The following TRPC3 variants were observed in gnomAD, a reference collection of about 807,000 sequenced individuals.
TRPC3 encodes short transient receptor potential channel 3.
Under a neutral mutation model 90.9 loss-of-function variants are expected in TRPC3, and 54 were observed. The ratio of observed to expected loss-of-function variants is 0.59; its 90% CI spans 0.48 to 0.75. TRPC3 has a LOEUF of 0.75. Among genes scored for constraint, TRPC3 ranks in the 30% least tolerant of loss-of-function variants. TRPC3 has a pLI of 0.00. For synonymous variants in TRPC3, 424 were observed against 450.9 expected, an observed-to-expected ratio of 0.94 and a Z score of 0.75; for missense variants, 918 against 1,194.5, an observed-to-expected ratio of 0.77 and a Z score of 3.41.
intron 3 of TRPC3, among the ~76,000 whole-genome samples, chr4:121,921,521 C>CAAA (rs536564094): frequency 1.9e-3 from 110 of 56,502 alleles, no homozygotes; most frequent in Middle Eastern, 9.6e-3. Context: ...GACTCCGTCT[C>CAAA]AAAAAAAAAA....
In TRPC3 at chr4:121,882,634, CT is replaced by C. The variant is rs573979274; in HGVS notation, c.2548-206del. On this transcript the variant is annotated intron_variant, in intron 10 of 11. Transcript: ENST00000379645. The stretch of plus-strand genomic sequence containing the variant: ...AGACTTACTGCATAATCCACCAATA[CT>C]TTTTTTTTGCCTCAGAAACGGAAGA... 1.5e-3 allele frequency among the ~76,000 whole-genome samples: 226 copies of C among 151,428 alleles called. 2 individuals are homozygous for C. Among genetic ancestry groups the C allele is most frequent in the South Asian group, 6.9e-3 (33 of 4,808 alleles).
intron 3 of TRPC3, among the ~76,000 whole-genome samples, chr4:121,920,030 C>A (rs1269981858): frequency 1.3e-5 from 2 of 151,888 alleles, no homozygotes; most frequent in African/African-American, 2.4e-5. Flanking sequence ...TGGTGGGGGG[C>A]AAATAGTCCA....
At chr4:121,909,237 T>C (rs550950609) in intron 6 of TRPC3, among the ~76,000 whole-genome samples, 78 of 152,184 alleles carry the variant, frequency 5.1e-4, no homozygotes, top group African/African-American at 1.9e-3. Flanking sequence ...TAATTACATC[T>C]TATATTTTGG....
At chr4:121,924,813 T>C (rs1303730232) in intron 3 of TRPC3, among the ~76,000 whole-genome samples, 1 of 152,200 alleles carries the variant, frequency 6.6e-6, no homozygotes, top group Non-Finnish European at 1.5e-5. Context: ...GCGCTGGGAT[T>C]ACAGGCCCCA....
At chr4:121,925,367 C>G (rs912973794) in intron 2 of TRPC3, among the ~76,000 whole-genome samples, 161 bp from the exon 3 acceptor site, 1 of 152,112 alleles carries the variant, frequency 6.6e-6, no homozygotes, top group Non-Finnish European at 1.5e-5. Flanking sequence ...TGGATTTGCA[C>G]CCACCCAACC....
At chr4:121,901,963 C>A (rs971752975) in intron 9 of TRPC3, among the ~76,000 whole-genome samples, 14 of 152,254 alleles carry the variant, frequency 9.2e-5, no homozygotes, top group Non-Finnish European at 1.9e-4. Context: ...TTAAAGAATA[C>A]AATTCTTGAA....
At chr4:121,917,334 ACTT>A (rs1729354423) in intron 3 of TRPC3, among the ~76,000 whole-genome samples, 1 of 152,134 alleles carries the variant, frequency 6.6e-6, no homozygotes, top group Non-Finnish European at 1.5e-5. Flanking sequence ...CTTGTTGAGA[ACTT>A]CTCCAAACTT....
In TRPC3 at chr4:121,915,701, T is replaced by G. The variant is rs149462853; in HGVS notation, c.1177-757A>C. Among the ~76,000 whole-genome samples the G allele has an allele frequency of 2.2e-3, 340 of 152,334 alleles. 2 individuals are homozygous for G. Among genetic ancestry groups the G allele is most frequent in the African/African-American group, 7.8e-3 (326 of 41,574 alleles). ...TATTTCAGCCCAGCCATTTGATTTT[T>G]TTTTTCCCGTTTGATTTTGTTAAGT... On this transcript the variant is annotated intron_variant, in intron 3 of 11. Coordinates refer to ENST00000379645, the MANE Select transcript of TRPC3 (RefSeq NM_001130698.2).
At chr4:121,908,402 G>A (rs1279599414) in intron 6 of TRPC3, among the ~76,000 whole-genome samples, 1 of 152,058 alleles carries the variant, frequency 6.6e-6, no homozygotes, top group Non-Finnish European at 1.5e-5. Context: ...AAAACATATT[G>A]TTTTACCAAA....
chr4:121,926,999 T>G (rs1729741975), intron 2 of TRPC3, among the ~76,000 whole-genome samples: 1 of 152,196 alleles, frequency 6.6e-6, no homozygotes, highest in South Asian at 2.1e-4. Flanking sequence ...TTATAGCGAA[T>G]GTAGAGAGGT....
chr4:121,938,733 G>A (rs529296968), intron 1 of TRPC3, among the ~76,000 whole-genome samples: 3 of 152,252 alleles, frequency 2.0e-5, no homozygotes, highest in South Asian at 4.1e-4. Context: ...GAATCTGTCT[G>A]ACTCTTATTT....
chr4:121,874,542 G>C lies in TRPC3; in HGVS notation c.*5194C>G, dbSNP rs766774964. Among the ~76,000 whole-genome samples, 1 of 152,138 alleles carries C rather than the reference G, an allele frequency of 6.6e-6. No homozygotes were observed. Among genetic ancestry groups the C allele is most frequent in the Non-Finnish European group, 1.5e-5 (1 of 68,028 alleles). Reference sequence around the variant, plus strand: ...TTGGAGTCTAGAAGTCATAGATCAAGGTGTCAGCAGGGAATAAAACCGATC... The same window carrying C: ...TTGGAGTCTAGAAGTCATAGATCAACGTGTCAGCAGGGAATAAAACCGATC... On this transcript the variant is annotated 3_prime_UTR_variant, in exon 12 of 12. Transcript: ENST00000379645.
At chr4:121,920,378 C>A (rs1361466725) in intron 3 of TRPC3, among the ~76,000 whole-genome samples, 1 of 151,868 alleles carries the variant, frequency 6.6e-6, no homozygotes, top group Admixed American at 6.6e-5. Context: ...AAAAAATTAG[C>A]CAGGCATGGA....
chr4:121,903,674 C>T lies in TRPC3; in HGVS notation c.2254-613G>A, dbSNP rs181897973. Among the ~76,000 whole-genome samples the T allele has an allele frequency of 5.8e-4, 88 of 152,200 alleles. 1 individual carries two copies. The highest frequency in any genetic ancestry group is 3.1e-3 in the Admixed American group (47 of 15,276). ...GATAGGAGAAATGAAGGGAAGGGGT[C>T]CTTATGAGGAGGAAGCTGGCTCTCT... is the stretch of plus-strand genomic sequence containing the variant. On this transcript the variant is annotated intron_variant, in intron 8 of 11. Coordinates refer to ENST00000379645, the MANE Select transcript of TRPC3 (RefSeq NM_001130698.2).
intron 2 of TRPC3, among the ~76,000 whole-genome samples, chr4:121,930,364 CTG>C (rs1729862133): frequency 6.6e-6 from 1 of 152,152 alleles, no homozygotes. Context: ...TAGAATTCAA[CTG>C]TGTTTTCTCT....
intron 1 of TRPC3, among the ~76,000 whole-genome samples, chr4:121,939,054 G>A (rs1461941026): frequency 5.9e-5 from 9 of 152,176 alleles, no homozygotes; most frequent in East Asian, 1.9e-4. Flanking sequence ...GGGTACTCCC[G>A]TACTATTAAG....
chr4:121,915,085 G>A (rs192510842), intron 3 of TRPC3, 141 bp from the exon 4 acceptor site: 2 of 660,624 alleles, frequency 3.0e-6, no homozygotes, highest in African/African-American at 3.6e-5. Flanking sequence ...GGAAGGTTCT[G>A]GTAATATTCT....
In TRPC3 at chr4:121,951,668, C is replaced by T; in HGVS notation, c.13G>A (p.Val5Ile). 7.5e-7 allele frequency: 1 copy of T among 1,335,292 alleles called. No homozygotes were observed. Among genetic ancestry groups the T allele is most frequent in the Non-Finnish European group, 9.7e-7 (1 of 1,033,776 alleles). 82.7% of individuals were successfully genotyped at this position (1,335,292 alleles called of 1,614,324 possible). ...CTTGCTTGTTCTTTGCACTTCCTGA[C>T]CTTGGTGGACATCGCGCCGGCTGCG... MSTK[V>I]RKCKEQARVT... The change falls in exon 1 of 12, where the codon GTC becomes ATC. Residue 5 changes from valine to isoleucine, a missense_variant. Around this residue, in one of 4 missense-constraint regions of TRPC3, gnomAD observed 609 missense variants for 725.9 expected, o/e 0.84. Transcript: ENST00000379645. This position sits in a 1 kb window ranked among gnomAD's most constrained non-coding sequence, Gnocchi z 4.4.
At chr4:121,898,091 A>C (rs1728580928) in intron 10 of TRPC3, among the ~76,000 whole-genome samples, 1 of 152,228 alleles carries the variant, frequency 6.6e-6, no homozygotes, top group Non-Finnish European at 1.5e-5. Flanking sequence ...ATAAACTCAT[A>C]TGTGGAAGCT....
Sources: gnomAD v4.1 joint callset for allele counts (sites outside exome capture counted in the v4.1 genomes callset) on GRCh38, gnomAD v4.1.1 for gene constraint, gnomAD v4.1.1 regional missense constraint, Gnocchi (gnomAD v3.1) non-coding constraint, MANE v1.5 for transcripts, NCBI Gene and HGNC (gene_info 2026-07-23, HGNC 2026-07-21) for gene names.